Variants in EXOC4 observed in about 807,000 individuals in gnomAD.
EXOC4 encodes SEC8-like 1.
Under a neutral mutation model 107.2 loss-of-function variants are expected in EXOC4, and 71 were observed. The observed-to-expected ratio is 0.66, with a 90% CI of 0.55 to 0.81. The LOEUF (loss-of-function observed/expected upper bound fraction) is 0.81. Among genes scored for constraint, EXOC4 ranks in the 30% least tolerant of loss-of-function variants. The pLI, the probability that EXOC4 is intolerant of heterozygous loss-of-function variation, is 0.00. For synonymous variants in EXOC4, 456 were observed against 441.2 expected, an observed-to-expected ratio of 1.03 and a Z score of -0.42; for missense variants, 1,108 against 1,189.6, an observed-to-expected ratio of 0.93 and a Z score of 1.01.
chr7:133,313,733 A>G (rs1794928179), intron 4 of EXOC4, among the ~76,000 whole-genome samples: 1 of 152,182 alleles, frequency 6.6e-6, no homozygotes, highest in Non-Finnish European at 1.5e-5. Flanking sequence ...GCAGAGCTTT[A>G]CTAGTTGGAT....
chr7:133,918,863 TA>T (rs1194032052), intron 13 of EXOC4, among the ~76,000 whole-genome samples: 1 of 152,186 alleles, frequency 6.6e-6, no homozygotes, highest in African/African-American at 2.4e-5. Context: ...AAAAGCATTT[TA>T]AAGAAACAAA....
the EXOC4 span, among the ~76,000 whole-genome samples, chr7:134,086,924 C>T: frequency 6.6e-6 from 1 of 152,126 alleles, no homozygotes; most frequent in Non-Finnish European, 1.5e-5. Context: ...CATTTGTAAA[C>T]TGTCATGGTA....
At chr7:133,377,897 A>G (rs1251017942) in intron 7 of EXOC4, among the ~76,000 whole-genome samples, 4 of 152,216 alleles carry the variant, frequency 2.6e-5, no homozygotes, top group African/African-American at 7.2e-5. Context: ...AAAATTGTCA[A>G]TCTAGAATTT....
At chr7:134,092,938 A>AAAAAAAAT in the EXOC4 span, among the ~76,000 whole-genome samples, 54 of 151,180 alleles carry the variant, frequency 3.6e-4, no homozygotes, top group African/African-American at 1.2e-3. Context: ...AAAAAAAAAA[A>AAAAAAAAT]GGAAACCAAA....
At chr7:133,730,506 T>C (rs571539594) in intron 10 of EXOC4, among the ~76,000 whole-genome samples, 1 of 152,240 alleles carries the variant, frequency 6.6e-6, no homozygotes, top group Non-Finnish European at 1.5e-5. Flanking sequence ...AACAGCTTTC[T>C]GATATAACGA....
At chr7:133,988,840 G>T (rs1199598576) in intron 14 of EXOC4, among the ~76,000 whole-genome samples, 1 of 152,136 alleles carries the variant, frequency 6.6e-6, no homozygotes, top group African/African-American at 2.4e-5. Context: ...AGAAAATCTG[G>T]AGGGTTGGAC....
intron 9 of EXOC4, chr7:133,576,450 T>G (rs930643319): frequency 3.2e-6 from 4 of 1,231,458 alleles, no homozygotes; most frequent in Admixed American, 2.8e-5. Context: ...ACTTAAAAAA[T>G]TATTTAACCC....
intron 10 of EXOC4, among the ~76,000 whole-genome samples, chr7:133,781,495 G>A (rs1330629044): frequency 6.6e-6 from 1 of 152,238 alleles, no homozygotes; most frequent in Non-Finnish European, 1.5e-5. Flanking sequence ...GTTAGTCTCT[G>A]GGTTTGTTTC....
At chr7:133,366,975 G>A (rs932214197) in intron 6 of EXOC4, among the ~76,000 whole-genome samples, 3 of 152,116 alleles carry the variant, frequency 2.0e-5, no homozygotes, top group Non-Finnish European at 2.9e-5. Flanking sequence ...AGAGAGTAAA[G>A]AGGTAGCAGT....
chr7:133,566,967 T>C (rs1256827003), intron 9 of EXOC4, among the ~76,000 whole-genome samples: 5 of 152,132 alleles, frequency 3.3e-5, no homozygotes, highest in Non-Finnish European at 7.4e-5. Context: ...AAAATGGAAA[T>C]GTTTTAGATG....
chr7:134,094,669 C>T, the EXOC4 span, among the ~76,000 whole-genome samples: 356 of 151,644 alleles, frequency 2.3e-3, no homozygotes, highest in Middle Eastern at 6.8e-3. Context: ...AATCCTCAAA[C>T]GCCAATCATT....
Position 134,051,379 on chromosome 7 carries a change from G to A in EXOC4, c.2688-12912G>A, listed in dbSNP as rs1173881009. ...GAGCTGGGAGAAGTGCCTTAAAAAT[G>A]TGGCTTCATGGGGCCAGGCACTGTG... On this transcript the variant is annotated intron_variant, in intron 17 of 17. Coordinates refer to ENST00000253861, the MANE Select transcript of EXOC4 (RefSeq NM_021807.4). Among the ~76,000 whole-genome samples, 3 of 152,196 alleles carry A rather than the reference G, an allele frequency of 2.0e-5. No individual in the cohort carries two copies. In the East Asian group the frequency reaches 5.8e-4, roughly 29 times the overall value.
intron 9 of EXOC4, among the ~76,000 whole-genome samples, chr7:133,581,933 G>C (rs908102980): frequency 4.0e-5 from 6 of 150,652 alleles, no homozygotes; most frequent in African/African-American, 1.5e-4. Context: ...GAGAAGGAGA[G>C]CAGGGGAAAC....
At chr7:134,050,780 A>T (rs9656434) in intron 17 of EXOC4, among the ~76,000 whole-genome samples, 1 of 152,020 alleles carries the variant, frequency 6.6e-6, no homozygotes, top group Non-Finnish European at 1.5e-5. Flanking sequence ...GTCAATGTTG[A>T]AAGTTTGGAC....
intron 7 of EXOC4, among the ~76,000 whole-genome samples, chr7:133,474,449 A>G (rs144700104): frequency 2.9e-4 from 44 of 151,156 alleles, no homozygotes; most frequent in African/African-American, 1.0e-3. Flanking sequence ...CTGGGACTAC[A>G]GGTGTGCACC....
chr7:133,565,419 C>G (rs978269980), intron 9 of EXOC4, among the ~76,000 whole-genome samples: 1 of 152,132 alleles, frequency 6.6e-6, no homozygotes, highest in African/African-American at 2.4e-5. Context: ...TTGGCAATTA[C>G]AGATGCTACC....
intron 7 of EXOC4, among the ~76,000 whole-genome samples, chr7:133,405,486 G>C (rs1797196163): frequency 6.6e-6 from 1 of 152,062 alleles, no homozygotes; most frequent in African/African-American, 2.4e-5. Flanking sequence ...TTCTGAATAT[G>C]ATTTTTATTT....
intron 10 of EXOC4, among the ~76,000 whole-genome samples, chr7:133,775,580 T>C (rs1374568859): frequency 1.3e-5 from 2 of 152,220 alleles, no homozygotes; most frequent in Non-Finnish European, 1.5e-5. Context: ...ATAACTATAC[T>C]AAGGCTATCT....
At chr7:134,090,784 C>T in the EXOC4 span, among the ~76,000 whole-genome samples, 1 of 152,020 alleles carries the variant, frequency 6.6e-6, no homozygotes, top group Non-Finnish European at 1.5e-5. Context: ...TCCTGTCACC[C>T]ACAGCCGTCA....
Sources: allele counts gnomAD v4.1 joint callset (sites outside exome capture counted in the v4.1 genomes callset), GRCh38; gene constraint gnomAD v4.1.1; transcripts MANE v1.5; gene names NCBI Gene and HGNC (gene_info 2026-07-23, HGNC 2026-07-21).